The following ST3GAL4 variants were observed in gnomAD, a reference collection of about 807,000 sequenced individuals.
The protein encoded by ST3GAL4 is ST3 beta-galactoside alpha-2,3-sialyltransferase 4.
A neutral mutation model predicts 42.6 loss-of-function variants in ST3GAL4; 24 were observed. The observed-to-expected ratio is 0.56, with a 90% CI of 0.41 to 0.79. The LOEUF is 0.79. Ranked by LOEUF, ST3GAL4 falls within the 30% of genes least tolerant of loss-of-function variation. ST3GAL4 has a pLI of 0.00. For synonymous variants in ST3GAL4, 135 were observed against 163.2 expected (o/e 0.83, Z 1.32); for missense variants, 311 against 430.8 (o/e 0.72, Z 2.46).
At position 126,414,158 on chromosome 11, in the gene ST3GAL4, C is replaced by T; in HGVS notation, c.*111C>T. On this transcript the variant is annotated 3_prime_UTR_variant, in exon 11 of 11. Transcript: ENST00000444328. ...TATGACCCACTTGGACTCACCCCCT[C>T]TTGGGGAGGGAGTTCTGGGCCTGGC... 9.5e-7 allele frequency: 1 copy of T among 1,049,214 alleles called. No homozygotes were observed. Among genetic ancestry groups the T allele is most frequent in the South Asian group, 1.3e-5 (1 of 77,522 alleles). 65.0% of individuals were successfully genotyped at this position (1,049,214 alleles called of 1,614,324 possible).
rs1452626776 is a variant in ST3GAL4 at position 126,411,914 on chromosome 11, A to G, written c.772-1591A>G. ...AGGACAGCCTCTCCTTTTGTGTTCA[A>G]CTGTGCCATATAAAGTAACGTCACG... On this transcript the variant is annotated intron_variant, in intron 9 of 10. Coordinates refer to ENST00000444328, the MANE Select transcript of ST3GAL4 (RefSeq NM_001254757.2). This position sits in a 1 kb window ranked among gnomAD's most constrained non-coding sequence, Gnocchi z 6.3. Among the ~76,000 whole-genome samples, 3 of 152,124 alleles carry G rather than the reference A, an allele frequency of 2.0e-5. No individual in the cohort carries two copies. Among genetic ancestry groups the G allele is most frequent in the African/African-American group, 7.2e-5 (3 of 41,418 alleles).
chr11:126,360,107 C>T (rs188304477), intron 1 of ST3GAL4, among the ~76,000 whole-genome samples: 1 of 152,352 alleles, frequency 6.6e-6, no homozygotes, highest in Admixed American at 6.5e-5. Context: ...GCTGTTTTGC[C>T]CACAGACAAG....
At chr11:126,404,365 A>C (rs1045158052) in intron 1 of ST3GAL4, among the ~76,000 whole-genome samples, 7 of 152,232 alleles carry the variant, frequency 4.6e-5, no homozygotes, top group African/African-American at 1.7e-4. Flanking sequence ...ATATGCATTC[A>C]GTACTTTCTG....
chr11:126,397,121 C>A lies in ST3GAL4; in HGVS notation c.-60-8975C>A, dbSNP rs1234788800. On this transcript the variant is annotated intron_variant, in intron 1 of 10. Coordinates refer to ENST00000444328, the MANE Select transcript of ST3GAL4 (RefSeq NM_001254757.2). The surrounding 1 kb of genome is among the most constrained non-coding windows in gnomAD (Gnocchi z 5.0). ...AGAGATCCTGGTTTCGCGTTTTGAGCGTGCAGTACATTTCAGTTGTTAGTG... is the reference window on the plus strand; with the variant it reads ...AGAGATCCTGGTTTCGCGTTTTGAGAGTGCAGTACATTTCAGTTGTTAGTG... Among the ~76,000 whole-genome samples, 1 of 152,076 alleles carries A rather than the reference C, an allele frequency of 6.6e-6. No homozygotes were observed. The highest frequency in any genetic ancestry group is 2.4e-5 in the African/African-American group (1 of 41,346).
chr11:126,403,535 C>G (rs1954100010), intron 1 of ST3GAL4: 2 of 759,260 alleles, frequency 2.6e-6, no homozygotes, highest in Non-Finnish European at 3.2e-6. Context: ...CTGGGCCCCA[C>G]CCCTAACCAA....
At chr11:126,402,091 A>AGGGGC (rs146212978) in intron 1 of ST3GAL4, among the ~76,000 whole-genome samples, 10 of 131,674 alleles carry the variant, frequency 7.6e-5, no homozygotes, top group South Asian at 2.9e-4. Flanking sequence ...ATTTGGGGGA[A>AGGGGC]AGAGGGGAGG....
rs1320097729 is a variant in ST3GAL4 at position 126,411,080 on chromosome 11, G to A, written c.771+1669G>A. Among the ~76,000 whole-genome samples, 6 of 152,088 alleles carry A rather than the reference G, an allele frequency of 3.9e-5. No homozygotes were observed. The highest frequency in any genetic ancestry group is 8.8e-5 in the Non-Finnish European group (6 of 68,010). The stretch of plus-strand genomic sequence containing the variant: ...GAGGCTGGAGAGGGAGATGAGAGAG[G>A]GCGAGGACCTGAACCCAGCTCCTGG... On this transcript the variant is annotated intron_variant, in intron 9 of 10. Transcript: ENST00000444328. This position sits in a 1 kb window ranked among gnomAD's most constrained non-coding sequence, Gnocchi z 6.3.
chr11:126,372,418 CTT>C (rs576229954), intron 1 of ST3GAL4, among the ~76,000 whole-genome samples: 3 of 143,286 alleles, frequency 2.1e-5, no homozygotes, highest in African/African-American at 5.1e-5. Context: ...CTTTTCTTTT[CTT>C]TTTTTTTTTT....
In ST3GAL4 at chr11:126,384,027, C is replaced by A. The variant is rs898028233; in HGVS notation, c.-60-22069C>A. ...GTCTGGGGGCCCTGCCCCACTCTCC[C>A]TTCCCAATGCAGGGCCCTCTCCTCT... On this transcript the variant is annotated intron_variant, in intron 1 of 10. Transcript: ENST00000444328. This position sits in a 1 kb window ranked among gnomAD's most constrained non-coding sequence, Gnocchi z 5.5. Among the ~76,000 whole-genome samples, 1 of 152,210 alleles carries A rather than the reference C, an allele frequency of 6.6e-6. No individual in the cohort carries two copies. The highest frequency in any genetic ancestry group is 2.4e-5 in the African/African-American group (1 of 41,454).
At chr11:126,395,614 A>G (rs1953713880) in intron 1 of ST3GAL4, among the ~76,000 whole-genome samples, 1 of 152,074 alleles carries the variant, frequency 6.6e-6, no homozygotes, top group South Asian at 2.1e-4. Context: ...AGATAATTGA[A>G]TCATGGTGGT....
chr11:126,371,640 T>C (rs1334241836), intron 1 of ST3GAL4, among the ~76,000 whole-genome samples: 1 of 152,246 alleles, frequency 6.6e-6, no homozygotes, highest in East Asian at 1.9e-4. Context: ...CTATATAATA[T>C]TCAGTTGCGT....
At chr11:126,381,809 GC>G (rs1435772133) in intron 1 of ST3GAL4, among the ~76,000 whole-genome samples, 1 of 151,750 alleles carries the variant, frequency 6.6e-6, no homozygotes, top group Non-Finnish European at 1.5e-5. Context: ...CTGAATAAAT[GC>G]CATTAAAAGG....
In ST3GAL4 at chr11:126,383,653, C is replaced by G. The variant is rs1953099245; in HGVS notation, c.-60-22443C>G. ...GACTAGTGTGTTTGTGCTGGAGGAG[C>G]CTGTGTAGGTTACTGACATGGGAGG... On this transcript the variant is annotated intron_variant, in intron 1 of 10. Transcript: ENST00000444328. The surrounding 1 kb of genome is among the most constrained non-coding windows in gnomAD (Gnocchi z 4.5). 6.6e-6 allele frequency among the ~76,000 whole-genome samples: 1 copy of G among 152,058 alleles called. No individual in the cohort carries two copies. The highest frequency in any genetic ancestry group is 1.5e-5 in the Non-Finnish European group (1 of 68,028).
At position 126,373,677 on chromosome 11, in the gene ST3GAL4, A is replaced by G. The variant is rs1195101057; in HGVS notation, c.-61+17835A>G. Among the ~76,000 whole-genome samples the G allele has an allele frequency of 1.3e-5, 2 of 152,108 alleles. No individual in the cohort carries two copies. The highest frequency in any genetic ancestry group is 2.9e-5 in the Non-Finnish European group (2 of 68,016). ...GGAACAGAGAGACTTCTTTTGCTGT[A>G]GGTGGAAGCCTGTCTGGCTCCTTTC... On this transcript the variant is annotated intron_variant, in intron 1 of 10. Transcript: ENST00000444328. This position sits in a 1 kb window ranked among gnomAD's most constrained non-coding sequence, Gnocchi z 5.5.
intron 9 of ST3GAL4, 122 bp from the exon 10 acceptor site, chr11:126,413,380 CTTG>C: frequency 7.9e-7 from 1 of 1,263,052 alleles, no homozygotes; most frequent in Non-Finnish European, 1.1e-6. Flanking sequence ...CGTGGCTTGT[CTTG>C]TTGGACAGCG....
At position 126,366,360 on chromosome 11, in the gene ST3GAL4, C is replaced by T. The variant is rs965813338; in HGVS notation, c.-61+10518C>T. Among the ~76,000 whole-genome samples, 6 of 151,880 alleles carry T rather than the reference C, an allele frequency of 4.0e-5. No homozygotes were observed. Among genetic ancestry groups the T allele is most frequent in the Admixed American group, 6.6e-5 (1 of 15,244 alleles). On this transcript the variant is annotated intron_variant, in intron 1 of 10. Coordinates refer to ENST00000444328, the MANE Select transcript of ST3GAL4 (RefSeq NM_001254757.2). This position sits in a 1 kb window ranked among gnomAD's most constrained non-coding sequence, Gnocchi z 4.2. ...GTATGTGGGCATGGGGTGGTGGGGG[C>T]GTGCAGAGAGGAGGAGGACTGAGAG...
chr11:126,402,095 G>GGGGGT (rs1954027674), intron 1 of ST3GAL4, among the ~76,000 whole-genome samples: 1 of 148,196 alleles, frequency 6.7e-6, no homozygotes, highest in Non-Finnish European at 1.5e-5. Flanking sequence ...GGGGGAAAGA[G>GGGGGT]GGGAGGTAGG....
chr11:126,376,185 G>A lies in ST3GAL4; in HGVS notation c.-61+20343G>A, dbSNP rs1333029955. 6.6e-6 allele frequency among the ~76,000 whole-genome samples: 1 copy of A among 152,074 alleles called. No individual in the cohort carries two copies. The highest frequency in any genetic ancestry group is 1.5e-5 in the Non-Finnish European group (1 of 68,008). On this transcript the variant is annotated intron_variant, in intron 1 of 10. Coordinates refer to ENST00000444328, the MANE Select transcript of ST3GAL4 (RefSeq NM_001254757.2). This position sits in a 1 kb window ranked among gnomAD's most constrained non-coding sequence, Gnocchi z 5.1. ...AGTAAGTTACTCCGATTGGCTTTTGGTATTAAAATGTCTTCAGTTTCAGAG... is the reference window on the plus strand; with the variant it reads ...AGTAAGTTACTCCGATTGGCTTTTGATATTAAAATGTCTTCAGTTTCAGAG...
At chr11:126,361,501 T>C (rs1952241610) in intron 1 of ST3GAL4, among the ~76,000 whole-genome samples, 1 of 152,080 alleles carries the variant, frequency 6.6e-6, no homozygotes, top group Admixed American at 6.6e-5. Flanking sequence ...GCTTGGGCAT[T>C]GTTGGTAATG....
Sources: gnomAD v4.1 joint callset for allele counts (sites outside exome capture counted in the v4.1 genomes callset) on GRCh38, gnomAD v4.1.1 for gene constraint, Gnocchi (gnomAD v3.1) non-coding constraint, MANE v1.5 for transcripts, NCBI Gene and HGNC (gene_info 2026-07-23, HGNC 2026-07-21) for gene names.